The following SEMA3A variants were observed in gnomAD, a reference collection of about 807,000 sequenced individuals.
SEMA3A encodes the protein semaphorin-3A.
In SEMA3A, 29 loss-of-function variants were observed where a neutral mutation model predicts 97.9. That is an observed-to-expected ratio of 0.30 (90% CI 0.22 to 0.40). The LOEUF (loss-of-function observed/expected upper bound fraction) is 0.40. Ranked by LOEUF, SEMA3A falls within the 10% of genes least tolerant of loss-of-function variation. SEMA3A has a pLI of 1.00. For missense variants in SEMA3A, 763 were observed against 951.3 expected (o/e 0.80, Z 2.60); for synonymous variants, 321 against 323.7 (o/e 0.99, Z 0.09).
intron 15 of SEMA3A, among the ~76,000 whole-genome samples, chr7:83,973,794 A>C (rs531434639): frequency 1.3e-5 from 2 of 152,156 alleles, no homozygotes; most frequent in African/African-American, 4.8e-5. Flanking sequence ...ACTATTAGAA[A>C]GTGAAATTCA....
At chr7:84,193,107 T>C (rs1798101804) in intron 1 of SEMA3A, among the ~76,000 whole-genome samples, 1 of 151,952 alleles carries the variant, frequency 6.6e-6, no homozygotes, top group African/African-American at 2.4e-5. Context: ...GATGTTTAAG[T>C]CTCTATTCCC....
At chr7:84,096,459 G>C (rs1417179931) in intron 4 of SEMA3A, among the ~76,000 whole-genome samples, 3 of 152,070 alleles carry the variant, frequency 2.0e-5, no homozygotes, top group Non-Finnish European at 4.4e-5. Flanking sequence ...TTTGTGTTCA[G>C]TATAGCATTA....
At chr7:84,047,600 T>C (rs1792404982) in intron 5 of SEMA3A, among the ~76,000 whole-genome samples, 1 of 152,054 alleles carries the variant, frequency 6.6e-6, no homozygotes, top group Non-Finnish European at 1.5e-5. Context: ...CCAGAAAACA[T>C]GTAATTGCCT....
chr7:84,200,703 C>G (rs1798333737), intron 3 of SEMA3A, among the ~76,000 whole-genome samples: 1 of 151,858 alleles, frequency 6.6e-6, no homozygotes, highest in Admixed American at 6.6e-5. Context: ...ATCACTACAG[C>G]TACTTTGTGA....
At chr7:83,999,472 G>A (rs1790353235) in intron 12 of SEMA3A, among the ~76,000 whole-genome samples, 1 of 152,014 alleles carries the variant, frequency 6.6e-6, no homozygotes, top group South Asian at 2.1e-4. Context: ...GTCGTGATAT[G>A]ATACAATTCT....
In SEMA3A at chr7:83,994,860, G is replaced by A. The variant is rs547858901; in HGVS notation, c.1452+7095C>T. Among the ~76,000 whole-genome samples the A allele has an allele frequency of 1.1e-4, 16 of 152,160 alleles. 1 individual carries two copies. In the South Asian group the frequency reaches 2.5e-3, roughly 24 times the overall value. ...GGGCTCCACCCAGTTGGAACTTCCC[G>A]GCTGCTTTGTTTACCTAATCAAGCC... is the stretch of plus-strand genomic sequence containing the variant. On this transcript the variant is annotated intron_variant, in intron 12 of 16. Coordinates refer to ENST00000265362, the MANE Select transcript of SEMA3A (RefSeq NM_006080.3).
chr7:84,403,067 T>G (rs374839778), intron 1 of SEMA3A, among the ~76,000 whole-genome samples: 1 of 151,966 alleles, frequency 6.6e-6, no homozygotes, highest in African/African-American at 2.4e-5. Context: ...GTGGGTGCAG[T>G]GCATGGTGCA....
At chr7:84,419,954 A>G (rs936278073) in intron 1 of SEMA3A, among the ~76,000 whole-genome samples, 1 of 152,286 alleles carries the variant, frequency 6.6e-6, no homozygotes, top group Admixed American at 6.6e-5. Context: ...CTGCCATGAT[A>G]CTAGCTGAAC....
intron 12 of SEMA3A, among the ~76,000 whole-genome samples, chr7:84,000,389 G>A (rs538145176): frequency 6.6e-6 from 1 of 152,098 alleles, no homozygotes; most frequent in South Asian, 2.1e-4. Flanking sequence ...AATCATAATA[G>A]AATTATGATT....
At chr7:84,146,562 A>G (rs1796468605) in intron 1 of SEMA3A, among the ~76,000 whole-genome samples, 1 of 152,238 alleles carries the variant, frequency 6.6e-6, no homozygotes, top group African/African-American at 2.4e-5. Context: ...CTAATGAGCA[A>G]TATTAATTTT....
chr7:84,330,614 C>T (rs1801887491), intron 2 of SEMA3A, among the ~76,000 whole-genome samples: 1 of 151,994 alleles, frequency 6.6e-6, no homozygotes, highest in Non-Finnish European at 1.5e-5. Flanking sequence ...TTTCCTTTAC[C>T]ACCCAAAATA....
intron 1 of SEMA3A, among the ~76,000 whole-genome samples, chr7:84,403,073 G>A (rs2116217840): frequency 6.6e-6 from 1 of 152,224 alleles, no homozygotes. Context: ...GCAGTGCATG[G>A]TGCATGAGCC....
intron 1 of SEMA3A, among the ~76,000 whole-genome samples, chr7:84,440,190 C>T (rs1805237974): frequency 6.6e-6 from 1 of 152,160 alleles, no homozygotes; most frequent in African/African-American, 2.4e-5. Flanking sequence ...TCAGATGTAA[C>T]TATTTTTGGA....
rs191725727 is a variant in SEMA3A, at chr7:84,105,160, T to A, written c.453+5310A>T. Among the ~76,000 whole-genome samples, 7 of 152,284 alleles carry A rather than the reference T, an allele frequency of 4.6e-5. No individual in the cohort carries two copies. The East Asian group carries it at 1.4e-3, about 29-fold the overall frequency. On this transcript the variant is annotated intron_variant, in intron 4 of 16. Transcript: ENST00000265362. ...CCTACCCAAAAGCAACTCCTTATTGTTTTCCCAAGATATCTGAATTTCTCA... is the reference window on the plus strand; with the variant it reads ...CCTACCCAAAAGCAACTCCTTATTGATTTCCCAAGATATCTGAATTTCTCA...
chr7:84,401,407 G>A (rs1803899118), intron 1 of SEMA3A, among the ~76,000 whole-genome samples: 1 of 149,802 alleles, frequency 6.7e-6, no homozygotes, highest in Admixed American at 6.7e-5. Flanking sequence ...AAAGAATTGT[G>A]TTAAAATGTT....
Position 84,331,668 on chromosome 7 carries a change from A to T in SEMA3A, c.-168-24376T>A, listed in dbSNP as rs1801912384. On this transcript the variant is annotated intron_variant, in intron 2 of 3. Coordinates refer to the SEMA3A transcript ENST00000424555. The stretch of plus-strand genomic sequence containing the variant: ...AAAAGAAGGAAACCAGCCAAGACTA[A>T]AGTTTCACAGATCCAGATGTGGCTG... Among the ~76,000 whole-genome samples the T allele has an allele frequency of 2.0e-5, 3 of 152,258 alleles. No individual in the cohort carries two copies. In the South Asian group the frequency reaches 6.2e-4, roughly 32 times the overall value.
At chr7:84,005,586 TTGATTAAA>T in intron 10 of SEMA3A, 28 bp from the exon 11 acceptor site, 1 of 1,415,300 alleles carries the variant, frequency 7.1e-7, no homozygotes, top group Non-Finnish European at 9.9e-7. Flanking sequence ...AAATTATCTT[TTGATTAAA>T]ATCTAATAAA....
At position 84,011,103 on chromosome 7, in the gene SEMA3A, C is replaced by G; in HGVS notation, c.926-12G>C. ...TAGGAATACATCCTCTGTTTAAAAA[C>G]AAAATTGGAGAAAGTTGCTTTTTTA... On this transcript the variant is annotated splice_polypyrimidine_tract_variant and intron_variant, in intron 8 of 16. Transcript: ENST00000265362. 1 of 1,610,154 alleles carries G rather than the reference C, an allele frequency of 6.2e-7. No individual in the cohort carries two copies. The highest frequency in any genetic ancestry group is 2.2e-5 in the East Asian group (1 of 44,828).
intron 3 of SEMA3A, among the ~76,000 whole-genome samples, chr7:84,116,486 G>A (rs1047886354): frequency 1.6e-4 from 24 of 152,158 alleles, no homozygotes; most frequent in African/African-American, 5.8e-4. Context: ...AACCAGAGTT[G>A]TGAGACTCTG....
Sources: allele counts gnomAD v4.1 joint callset (sites outside exome capture counted in the v4.1 genomes callset), GRCh38; gene constraint gnomAD v4.1.1; transcripts MANE v1.5; gene names NCBI Gene and HGNC (gene_info 2026-07-23, HGNC 2026-07-21).